Variants in ASTN2 observed in about 807,000 individuals in gnomAD.
ASTN2 encodes the protein astrotactin-2.
ASTN2 carries 54 observed loss-of-function variants against 139.8 expected under a neutral mutation model. That is an observed-to-expected ratio of 0.39 (90% CI 0.31 to 0.48). ASTN2 has a LOEUF of 0.48. ASTN2 is among the 20% of genes least tolerant of loss of function. The pLI is 0.95. For synonymous variants in ASTN2, 756 were observed against 719.5 expected (o/e 1.05, Z -0.81); for missense variants, 1,565 against 1,725.1 (o/e 0.91, Z 1.64).
intron 10 of ASTN2, among the ~76,000 whole-genome samples, chr9:116,948,604 A>G (rs1162510761): frequency 6.6e-6 from 1 of 151,814 alleles, no homozygotes. Context: ...TGGATACTAC[A>G]TATGCTCATT....
rs748361022 is a variant in ASTN2 at position 116,974,133 on chromosome 9, GT to G, written c.1889+1074del. Among the ~76,000 whole-genome samples the G allele has an allele frequency of 2.0e-5, 3 of 152,226 alleles. No homozygotes were observed. In the East Asian group the frequency reaches 5.8e-4, roughly 29 times the overall value. ...AGCTGTGTACAAATCAGTTTTAGAA[GT>G]AAAACTACTCTATTCTTGGTAACAT... On this transcript the variant is annotated intron_variant, in intron 10 of 22. Transcript: ENST00000313400.
At chr9:117,303,185 T>C (rs575539838) in intron 1 of ASTN2, among the ~76,000 whole-genome samples, 49 of 152,316 alleles carry the variant, frequency 3.2e-4, no homozygotes, top group African/African-American at 1.1e-3. Context: ...AAGAGTCTTC[T>C]GGACCAGGAA....
intron 6 of ASTN2, among the ~76,000 whole-genome samples, chr9:117,034,212 G>A (rs910766131): frequency 6.6e-6 from 1 of 152,150 alleles, no homozygotes; most frequent in Admixed American, 6.6e-5. Context: ...ACCACATTGG[G>A]TGAATATATG....
intron 6 of ASTN2, among the ~76,000 whole-genome samples, chr9:117,033,720 C>A (rs1036439348): frequency 5.9e-5 from 9 of 152,084 alleles, no homozygotes; most frequent in Non-Finnish European, 8.8e-5. Flanking sequence ...GAACCTTAGA[C>A]TGGGGGCTCA....
At chr9:117,171,253 C>A (rs1311931966) in intron 3 of ASTN2, among the ~76,000 whole-genome samples, 1 of 152,144 alleles carries the variant, frequency 6.6e-6, no homozygotes, top group Non-Finnish European at 1.5e-5. Flanking sequence ...TGCAGGTATG[C>A]AATGCCTCAC....
intron 1 of ASTN2, among the ~76,000 whole-genome samples, chr9:117,348,516 G>A (rs967318079): frequency 1.3e-5 from 2 of 152,150 alleles, no homozygotes; most frequent in Admixed American, 1.3e-4. Flanking sequence ...GTTGAGATAA[G>A]CAAAGAGAAA....
intron 18 of ASTN2, among the ~76,000 whole-genome samples, chr9:116,618,900 C>A (rs1292258655): frequency 6.6e-6 from 1 of 151,758 alleles, no homozygotes; most frequent in Non-Finnish European, 1.5e-5. Flanking sequence ...TAAGTAAATA[C>A]ACTATTGGAA....
At chr9:116,705,895 G>A (rs115751690) in intron 16 of ASTN2, among the ~76,000 whole-genome samples, 184 of 152,140 alleles carry the variant, frequency 1.2e-3, no homozygotes, top group African/African-American at 4.2e-3. Context: ...GTGAGAAGTT[G>A]GTGCCAGAAG....
chr9:116,763,479 T>C (rs775795574), intron 13 of ASTN2, among the ~76,000 whole-genome samples: 13 of 152,150 alleles, frequency 8.5e-5, no homozygotes, highest in Non-Finnish European at 1.3e-4. Flanking sequence ...CCAAAACTTC[T>C]TCTCCAGGCC....
At chr9:116,924,624 T>C (rs182510609) in intron 10 of ASTN2, among the ~76,000 whole-genome samples, 2 of 152,146 alleles carry the variant, frequency 1.3e-5, no homozygotes, top group East Asian at 3.9e-4. Flanking sequence ...CCATATAAGG[T>C]AACTTTCTGA....
chr9:116,897,658 G>C (rs976895312), intron 10 of ASTN2, among the ~76,000 whole-genome samples: 7 of 151,884 alleles, frequency 4.6e-5, no homozygotes, highest in African/African-American at 1.7e-4. Flanking sequence ...CACTTAAAAG[G>C]AACGAACTGA....
At chr9:116,905,891 G>A (rs868288158) in intron 10 of ASTN2, among the ~76,000 whole-genome samples, 3 of 149,388 alleles carry the variant, frequency 2.0e-5, no homozygotes, top group Non-Finnish European at 4.4e-5. Context: ...GGGGTGTGCC[G>A]TTTAAGAGCC....
At chr9:116,546,258 G>C (rs899902593) in intron 19 of ASTN2, 4 of 152,160 alleles carry the variant, frequency 2.6e-5, no homozygotes, top group Non-Finnish European at 5.9e-5. Flanking sequence ...TATACAATGA[G>C]TTCCCATTAC....
chr9:116,981,352 C>T (rs1836508705), intron 7 of ASTN2, among the ~76,000 whole-genome samples: 1 of 152,202 alleles, frequency 6.6e-6, no homozygotes, highest in African/African-American at 2.4e-5. Flanking sequence ...AATGATGACT[C>T]TGCTGAGGAC....
intron 3 of ASTN2, among the ~76,000 whole-genome samples, chr9:117,185,086 T>C (rs1831164125): frequency 6.6e-6 from 1 of 152,178 alleles, no homozygotes; most frequent in African/African-American, 2.4e-5. Context: ...ACACCCATCT[T>C]GCTACTATCC....
intron 10 of ASTN2, among the ~76,000 whole-genome samples, chr9:116,884,973 G>A (rs1483219317): frequency 2.6e-5 from 4 of 151,870 alleles, no homozygotes; most frequent in Non-Finnish European, 5.9e-5. Context: ...CCGCCACTGT[G>A]CCCGGCTAAT....
chr9:117,125,077 A>G (rs1440091753), intron 4 of ASTN2, among the ~76,000 whole-genome samples: 1 of 152,362 alleles, frequency 6.6e-6, no homozygotes, highest in Admixed American at 6.5e-5. Flanking sequence ...TTCAGAAGCA[A>G]GGACTAGGAC....
At chr9:116,503,862 C>T (rs1849994245) in intron 19 of ASTN2, among the ~76,000 whole-genome samples, 1 of 152,086 alleles carries the variant, frequency 6.6e-6, no homozygotes, top group South Asian at 2.1e-4. Context: ...ATTATCATCC[C>T]CAGTTTACAG....
rs570422830 is a variant in ASTN2 at position 117,149,303 on chromosome 9, C to A, written c.1016-7825G>T. On this transcript the variant is annotated intron_variant, in intron 3 of 22. Transcript: ENST00000313400. The stretch of plus-strand genomic sequence containing the variant: ...AAAGTGCTGGGATTACAGGCATGAG[C>A]CACTACACCTGGCCTGAACCAGTTT... Among the ~76,000 whole-genome samples the A allele has an allele frequency of 3.3e-5, 5 of 152,274 alleles. No homozygotes were observed. The South Asian group carries it at 1.0e-3, about 32-fold the overall frequency.
Sources: gnomAD v4.1 joint callset for allele counts (sites outside exome capture counted in the v4.1 genomes callset) on GRCh38, gnomAD v4.1.1 for gene constraint, MANE v1.5 for transcripts, NCBI Gene and HGNC (gene_info 2026-07-23, HGNC 2026-07-21) for gene names.